The following SCLT1 variants were observed in gnomAD, a reference collection of about 807,000 sequenced individuals.
The protein encoded by SCLT1 is sodium channel-associated protein 1.
SCLT1 carries 78 observed loss-of-function variants against 112.8 expected under a neutral mutation model. The observed-to-expected ratio is 0.69, with a 90% CI of 0.58 to 0.83. The LOEUF (loss-of-function observed/expected upper bound fraction) is 0.83, where lower values mean the gene tolerates loss of function less well. SCLT1 is among the 40% of genes least tolerant of loss of function. SCLT1 has a pLI of 0.00. For missense variants in SCLT1, 747 were observed against 770.4 expected, an observed-to-expected ratio of 0.97 and a Z score of 0.36; for synonymous variants, 257 against 254.7, an observed-to-expected ratio of 1.01 and a Z score of -0.09.
chr4:128,905,288 T>C (rs1734608838), intron 18 of SCLT1, among the ~76,000 whole-genome samples: 1 of 152,188 alleles, frequency 6.6e-6, no homozygotes, highest in African/African-American at 2.4e-5. Flanking sequence ...TAAGTTCTAT[T>C]CTACCTTCCA....
intron 18 of SCLT1, among the ~76,000 whole-genome samples, chr4:128,920,556 T>G (rs1431059619): frequency 6.6e-6 from 1 of 152,240 alleles, no homozygotes; most frequent in Admixed American, 6.5e-5. Flanking sequence ...CCTCCTAAAG[T>G]GCTGGGCGTA....
chr4:129,048,161 G>A (rs1294931643), intron 2 of SCLT1, among the ~76,000 whole-genome samples: 5 of 151,990 alleles, frequency 3.3e-5, no homozygotes, highest in Admixed American at 2.0e-4. Context: ...AAAAGGGCCC[G>A]CATCACCAAG....
intron 4 of SCLT1, among the ~76,000 whole-genome samples, chr4:129,042,059 TAA>T (rs763577634): frequency 3.2e-4 from 49 of 152,052 alleles, no homozygotes; most frequent in Non-Finnish European, 5.9e-4. Context: ...GCTGCTTTAA[TAA>T]AAAGTCATTA....
chr4:129,020,267 T>C (rs549311140), intron 5 of SCLT1, among the ~76,000 whole-genome samples: 18 of 152,274 alleles, frequency 1.2e-4, no homozygotes, highest in African/African-American at 4.1e-4. Flanking sequence ...CAAAGTAAGG[T>C]CCTCCATAAA....
In SCLT1 at chr4:129,078,001, G is replaced by A. The variant is rs140024597; in HGVS notation, c.102+4305C>T. Among the ~76,000 whole-genome samples, 957 of 152,230 alleles carry A rather than the reference G, an allele frequency of 6.3e-3. 17 individuals are homozygous for A. Among genetic ancestry groups the A allele is most frequent in the African/African-American group, 0.021 (887 of 41,538 alleles). Reference sequence around the variant, plus strand: ...GCAAGGTCCATGGGGATGGGAGTCTGGAAACAGCAACATGTTCTGAAGATA... The same window carrying A: ...GCAAGGTCCATGGGGATGGGAGTCTAGAAACAGCAACATGTTCTGAAGATA... On this transcript the variant is annotated intron_variant, in intron 2 of 20. Coordinates refer to ENST00000281142, the MANE Select transcript of SCLT1 (RefSeq NM_144643.4).
At position 128,901,157 on chromosome 4, in the gene SCLT1, C is replaced by T. The variant is rs531486610; in HGVS notation, c.1830-10020G>A. Among the ~76,000 whole-genome samples the T allele has an allele frequency of 1.6e-4, 25 of 152,210 alleles. No individual in the cohort carries two copies. The East Asian group carries it at 4.8e-3, about 29-fold the overall frequency. On this transcript the variant is annotated intron_variant, in intron 18 of 20. Coordinates refer to ENST00000281142, the MANE Select transcript of SCLT1 (RefSeq NM_144643.4). Reference sequence around the variant, plus strand: ...AACTGGAAATACCATTTGACCCAGCCATCCCATTACTGGGTATATACCCAA... The same window carrying T: ...AACTGGAAATACCATTTGACCCAGCTATCCCATTACTGGGTATATACCCAA...
At chr4:128,957,199 AC>A (rs1275171645) in intron 12 of SCLT1, 75 bp from the exon 13 acceptor site, 40 of 768,534 alleles carry the variant, frequency 5.2e-5, no homozygotes, top group Non-Finnish European at 7.8e-5. Context: ...AAACCTATCC[AC>A]TAGTCACTTC....
chr4:128,985,681 T>C (rs1742027730), intron 9 of SCLT1, among the ~76,000 whole-genome samples: 1 of 152,250 alleles, frequency 6.6e-6, no homozygotes, highest in Non-Finnish European at 1.5e-5. Context: ...TCTTAACATA[T>C]ACAAGTAAAG....
Position 128,954,859 on chromosome 4 carries a change from G to A in SCLT1, c.1147-2019C>T, listed in dbSNP as rs986402301. Among the ~76,000 whole-genome samples, 97 of 152,188 alleles carry A rather than the reference G, an allele frequency of 6.4e-4. 1 individual carries two copies. Among genetic ancestry groups the A allele is most frequent in the Middle Eastern group, 3.4e-3 (1 of 294 alleles). Reference sequence around the variant, plus strand: ...GAGGCAGAGAAATTAAGTCATAAATGTTCCTATAACATAAAAATTTTGGTT... The same window carrying A: ...GAGGCAGAGAAATTAAGTCATAAATATTCCTATAACATAAAAATTTTGGTT... On this transcript the variant is annotated intron_variant, in intron 13 of 20. Transcript: ENST00000281142.
chr4:128,891,251 A>G (rs889684290), intron 18 of SCLT1, 114 bp from the exon 19 acceptor site: 1 of 761,134 alleles, frequency 1.3e-6, no homozygotes, highest in African/African-American at 1.7e-5. Flanking sequence ...TGAGGTGGAA[A>G]ATAAAGTCAC....
chr4:129,035,156 T>C lies in SCLT1; in HGVS notation c.290+3885A>G, dbSNP rs55714747. Among the ~76,000 whole-genome samples, 568 of 152,232 alleles carry C rather than the reference T, an allele frequency of 3.7e-3. 1 individual carries two copies. The highest frequency in any genetic ancestry group is 0.011 in the African/African-American group (470 of 41,552). On this transcript the variant is annotated intron_variant, in intron 5 of 20. Transcript: ENST00000281142. ...GATTTGCTTCAGTAGCTCAATAATA[T>C]CACTTAAGGACTTTGCAAAGGTTTC...
chr4:129,048,629 G>A (rs28825718), intron 2 of SCLT1, among the ~76,000 whole-genome samples: 2,523 of 152,120 alleles, frequency 0.017, 78 homozygotes, highest in African/African-American at 0.058. Flanking sequence ...ATTGACAAAT[G>A]GGATCTAATT....
At chr4:128,943,759 A>G (rs911174322) in intron 16 of SCLT1, among the ~76,000 whole-genome samples, 2 of 152,098 alleles carry the variant, frequency 1.3e-5, no homozygotes, top group African/African-American at 4.8e-5. Flanking sequence ...GGGTGAGACA[A>G]CCTCTATACA....
chr4:129,083,709 A>C (rs910805353), intron 1 of SCLT1, among the ~76,000 whole-genome samples: 3 of 152,154 alleles, frequency 2.0e-5, no homozygotes, highest in South Asian at 4.1e-4. Context: ...TACAAAATAA[A>C]TTTTAAAGTA....
intron 1 of SCLT1, among the ~76,000 whole-genome samples, chr4:129,090,980 T>G (rs975067523): frequency 1.3e-5 from 2 of 152,150 alleles, no homozygotes; most frequent in African/African-American, 4.8e-5. Context: ...AGTTGAGAAG[T>G]ACCAAAACAA....
Position 129,093,150 on chromosome 4 carries a change from T to C in SCLT1, c.-47A>G, listed in dbSNP as rs1561080248. Reference sequence around the variant, plus strand: ...AGCTTTCACCACCTTTACCTTCCTCTGAAAGACAGAGAGCTTGCTGTGCGG... The same window carrying C: ...AGCTTTCACCACCTTTACCTTCCTCCGAAAGACAGAGAGCTTGCTGTGCGG... On this transcript the variant is annotated 5_prime_UTR_variant, in exon 1 of 21. Transcript: ENST00000281142. 9 of 1,586,794 alleles carry C rather than the reference T, an allele frequency of 5.7e-6. No homozygotes were observed. Among genetic ancestry groups the C allele is most frequent in the South Asian group, 1.1e-5 (1 of 90,488 alleles).
intron 18 of SCLT1, among the ~76,000 whole-genome samples, chr4:128,892,447 T>C (rs75285793): frequency 0.012 from 1,900 of 152,318 alleles, 50 homozygotes; most frequent in African/African-American, 0.044. Flanking sequence ...TATTGGCTTT[T>C]ATCCTTTGAC....
chr4:128,982,256 A>G (rs1008298971), intron 9 of SCLT1, among the ~76,000 whole-genome samples: 1 of 152,080 alleles, frequency 6.6e-6, no homozygotes, highest in Non-Finnish European at 1.5e-5. Flanking sequence ...ATTTAATGAG[A>G]TCTCATCCTC....
intron 2 of SCLT1, among the ~76,000 whole-genome samples, chr4:129,054,881 C>G (rs114071898): frequency 0.013 from 2,003 of 152,254 alleles, 35 homozygotes; most frequent in African/African-American, 0.045. Flanking sequence ...TCCTCATCAT[C>G]ATGGATTTAT....
Sources: gnomAD v4.1 joint callset for allele counts (sites outside exome capture counted in the v4.1 genomes callset) on GRCh38, gnomAD v4.1.1 for gene constraint, MANE v1.5 for transcripts, NCBI Gene and HGNC (gene_info 2026-07-23, HGNC 2026-07-21) for gene names.